The following MILR1 variants were observed in gnomAD, a reference collection of about 807,000 sequenced individuals.
MILR1 encodes the protein mast cell immunoglobulin like receptor 1.
MILR1 carries 31 observed loss-of-function variants against 18.5 expected under a neutral mutation model. The observed-to-expected ratio is 1.68, with a 90% CI of 1.26 to 2.26. The LOEUF (loss-of-function observed/expected upper bound fraction) is 2.26, where lower values mean the gene tolerates loss of function less well. Among genes scored for constraint, MILR1 ranks in the 30% most tolerant of loss-of-function variants. The pLI, the probability that MILR1 is intolerant of heterozygous loss-of-function variation, is 0.00. For synonymous variants in MILR1, 85 were observed against 56.2 expected, an observed-to-expected ratio of 1.51 and a Z score of -2.30; for missense variants, 257 against 157.4, an observed-to-expected ratio of 1.63 and a Z score of -3.38.
At chr17:64,449,711 G>A (rs1363049491) in intron 2 of MILR1, among the ~76,000 whole-genome samples, 4 of 152,052 alleles carry the variant, frequency 2.6e-5, no homozygotes, top group Non-Finnish European at 5.9e-5. Flanking sequence ...TAATGGGGTA[G>A]GATTGCTTGA....
chr17:64,457,058 C>G (rs2031022419), intron 3 of MILR1, among the ~76,000 whole-genome samples: 1 of 152,078 alleles, frequency 6.6e-6, no homozygotes, highest in Non-Finnish European at 1.5e-5. Flanking sequence ...ATACTTAGAA[C>G]TGGATCATTG....
At chr17:64,483,787 C>T in the MILR1 span, among the ~76,000 whole-genome samples, 735 of 151,754 alleles carry the variant, frequency 4.8e-3, 4 homozygotes, top group African/African-American at 0.017. Flanking sequence ...CACTGCCTCA[C>T]TGCAACCCCC....
At chr17:64,488,436 T>C in the MILR1 span, among the ~76,000 whole-genome samples, 1 of 152,008 alleles carries the variant, frequency 6.6e-6, no homozygotes, top group East Asian at 1.9e-4. Flanking sequence ...GGCATGGTAG[T>C]TCACACCTGT....
chr17:64,475,480 C>G, the MILR1 span, among the ~76,000 whole-genome samples: 1 of 151,924 alleles, frequency 6.6e-6, no homozygotes, highest in African/African-American at 2.4e-5. Flanking sequence ...GAAACCCCAT[C>G]TCTACTAAAA....
chr17:64,496,789 G>C, the MILR1 span: 2 of 1,613,590 alleles, frequency 1.2e-6, no homozygotes, highest in Admixed American at 3.3e-5. Flanking sequence ...CTCCAGACCC[G>C]GGGGCTTCTG....
At chr17:64,495,678 C>T in the MILR1 span, among the ~76,000 whole-genome samples, 1 of 152,128 alleles carries the variant, frequency 6.6e-6, no homozygotes, top group East Asian at 1.9e-4. Flanking sequence ...CAATGAATAT[C>T]TTGGTTCCTA....
At chr17:64,470,079 A>G (rs141740056), downstream of MILR1, among the ~76,000 whole-genome samples, 22 of 152,292 alleles carry the variant, frequency 1.4e-4, no homozygotes, top group Non-Finnish European at 2.6e-4. Context: ...TGATGGTTGC[A>G]CAATAATATG....
the MILR1 span, chr17:64,484,072 A>T: frequency 6.6e-6 from 1 of 152,262 alleles, no homozygotes; most frequent in East Asian, 1.9e-4. Context: ...GATACCAGGA[A>T]CAGTTCCAGG....
chr17:64,452,859 G>T lies in MILR1; in HGVS notation c.360G>T (p.Thr120=), dbSNP rs2037205311. ...AATACAGTCGTGACTTCAGCTTCAC[G>T]ATTGTCGGTAAGTAGAGTGCCTGTT... ...CSKYSRDFSF[T]IVDPVTSPVL... Residue 120 remains threonine, a synonymous_variant, in exon 3 of 10, where the codon ACG becomes ACT. Transcript: ENST00000619286. 3 of 475,060 alleles carry T rather than the reference G, an allele frequency of 6.3e-6. No individual in the cohort carries two copies. Among genetic ancestry groups the T allele is most frequent in the Admixed American group, 6.3e-5 (2 of 31,726 alleles). The allele number at this position is 475,060 out of a possible 1,614,324, so 29.4% of individuals were successfully genotyped here. A position where few individuals can be genotyped will look rare whatever the true frequency, so the allele number is the denominator to read the frequency against.
intron 3 of MILR1, among the ~76,000 whole-genome samples, chr17:64,454,241 T>C (rs984952225): frequency 3.3e-5 from 5 of 149,754 alleles, no homozygotes; most frequent in Non-Finnish European, 7.4e-5. Context: ...CGTTTATTTA[T>C]TTAATAGCCT....
At chr17:64,473,282 C>T (rs555342795), downstream of MILR1, among the ~76,000 whole-genome samples, 3 of 149,226 alleles carry the variant, frequency 2.0e-5, no homozygotes, top group East Asian at 5.9e-4. Flanking sequence ...ACCCGGGAGG[C>T]GGAGCTTGCA....
the MILR1 span, among the ~76,000 whole-genome samples, chr17:64,479,734 C>G: frequency 1.3e-5 from 2 of 152,056 alleles, no homozygotes; most frequent in Admixed American, 1.3e-4. Context: ...GCAGCGAAGA[C>G]AGAGATGGAT....
intron 2 of MILR1, among the ~76,000 whole-genome samples, chr17:64,450,833 C>T (rs1428399790): frequency 6.6e-6 from 1 of 152,110 alleles, no homozygotes; most frequent in African/African-American, 2.4e-5. Flanking sequence ...AGCCATGATT[C>T]GTTTAACCAT....
chr17:64,456,958 C>G (rs1208001671), intron 3 of MILR1, among the ~76,000 whole-genome samples: 1 of 152,152 alleles, frequency 6.6e-6, no homozygotes, highest in Non-Finnish European at 1.5e-5. Context: ...GGGAGGATCA[C>G]TTGAGGCCAG....
At chr17:64,477,951 T>C in the MILR1 span, 8 of 1,613,986 alleles carry the variant, frequency 5.0e-6, no homozygotes, top group South Asian at 4.4e-5. Flanking sequence ...GTAGTTTCAG[T>C]AACCAAAACT....
At chr17:64,480,311 A>C in the MILR1 span, 1 of 1,571,408 alleles carries the variant, frequency 6.4e-7, no homozygotes. Context: ...TGTTCCAATG[A>C]GGACTGCATA....
At chr17:64,465,677 C>G (rs2037539862) in intron 6 of MILR1, 136 bp downstream of exon 6, 1 of 807,728 alleles carries the variant, frequency 1.2e-6, no homozygotes, top group South Asian at 1.8e-5. Flanking sequence ...CCCAGTCCCA[C>G]TTTCTAGGGG....
chr17:64,457,750 T>G (rs2037333517), intron 4 of MILR1, 66 bp downstream of exon 4: 1 of 465,130 alleles, frequency 2.1e-6, no homozygotes, highest in South Asian at 6.8e-5. Flanking sequence ...GCTGCTCCTC[T>G]GCCCACCCAT....
downstream of MILR1, among the ~76,000 whole-genome samples, chr17:64,473,551 G>A (rs996984520): frequency 6.6e-6 from 1 of 151,960 alleles, no homozygotes; most frequent in Non-Finnish European, 1.5e-5. Flanking sequence ...CACCACCAGA[G>A]ACAGTAACTG....
Sources: allele counts gnomAD v4.1 joint callset (sites outside exome capture counted in the v4.1 genomes callset), GRCh38; gene constraint gnomAD v4.1.1; transcripts MANE v1.5; gene names NCBI Gene and HGNC (gene_info 2026-07-23, HGNC 2026-07-21).